The following PCNX4 variants were observed in gnomAD, a reference collection of about 807,000 sequenced individuals.
PCNX4 encodes the protein pecanex-like protein 4.
Under a neutral mutation model 107.2 loss-of-function variants are expected in PCNX4, and 103 were observed. That is an observed-to-expected ratio of 0.96 (90% CI 0.82 to 1.13). The LOEUF (loss-of-function observed/expected upper bound fraction) is 1.13. PCNX4 is among the 50% of genes most tolerant of loss of function. The pLI, the probability that PCNX4 is intolerant of heterozygous loss-of-function variation, is 0.00. For synonymous variants in PCNX4, 541 were observed against 481.7 expected, an observed-to-expected ratio of 1.12 and a Z score of -1.61; for missense variants, 1,528 against 1,379.4, an observed-to-expected ratio of 1.11 and a Z score of -1.71.
intron 1 of PCNX4, among the ~76,000 whole-genome samples, chr14:60,102,676 A>C (rs1239434903): frequency 6.6e-6 from 1 of 152,110 alleles, no homozygotes; most frequent in African/African-American, 2.4e-5. Context: ...TTCTCTTTTC[A>C]CAGTTTTGTT....
Position 60,114,817 on chromosome 14 carries a change from A to G in PCNX4, c.807A>G (p.Leu269=), listed in dbSNP as rs1895810285. 1 of 1,613,662 alleles carries G rather than the reference A, an allele frequency of 6.2e-7. No individual in the cohort carries two copies. The highest frequency in any genetic ancestry group is 1.3e-5 in the African/African-American group (1 of 74,858). The change falls in exon 3 of 11, where the codon TTA becomes TTG. Residue 269 remains leucine (L), a synonymous_variant. Coordinates refer to ENST00000406854, the MANE Select transcript of PCNX4 (RefSeq NM_001330177.2). ...GTLPPPDALL[L]WAMEQVLEFG... is the part of the protein sequence containing the mutation. ...TGCCCCCACCCGATGCACTTCTCTT[A>G]TGGGCAATGGAGCAGGTTTTAGAGT...
chr14:60,132,222 G>A (rs144952655), intron 10 of PCNX4, among the ~76,000 whole-genome samples: 2 of 152,152 alleles, frequency 1.3e-5, no homozygotes, highest in African/African-American at 4.8e-5. Flanking sequence ...CTCTGTCTCC[G>A]TATTTACATG....
intron 1 of PCNX4, among the ~76,000 whole-genome samples, chr14:60,102,666 T>C (rs1895555265): frequency 6.6e-6 from 1 of 152,210 alleles, no homozygotes; most frequent in Non-Finnish European, 1.5e-5. Context: ...ATCCCTTAAG[T>C]TCTCTTTTCA....
At chr14:60,108,723 T>C (rs1486315833) in intron 2 of PCNX4, 1 of 73,818 alleles carries the variant, frequency 1.4e-5, no homozygotes, top group African/African-American at 3.7e-5. Context: ...TTAAGACAAA[T>C]ACAAAATTTA....
rs764504055 is a variant in PCNX4 at position 60,134,053 on chromosome 14, G to T, written c.3351G>T (p.Gln1117His). 6.2e-7 allele frequency: 1 copy of T among 1,613,860 alleles called. No individual in the cohort carries two copies. Among genetic ancestry groups the T allele is most frequent in the Non-Finnish European group, 8.5e-7 (1 of 1,179,798 alleles). The change falls in exon 11 of 11, where the codon CAG becomes CAT. Residue 1117 changes from glutamine to histidine, a missense_variant. Physicochemically the swap from Gln to His is conservative, Grantham distance 24. Transcript: ENST00000406854. ...GKLNPEAVRG[Q>H]WANLSWELLY... ...TAAATCCTGAAGCTGTTAGAGGTCA[G>T]TGGGCCAATCTTTCATGGGAATTAC... is the stretch of plus-strand genomic sequence containing the variant.
intron 7 of PCNX4, among the ~76,000 whole-genome samples, chr14:60,119,949 G>A (rs1031302375): frequency 1.3e-5 from 2 of 152,184 alleles, no homozygotes; most frequent in East Asian, 3.8e-4. Context: ...TTAAATGGTA[G>A]TCTGTAATAA....
At chr14:60,108,358 CTTTGTT>C (rs1424799367) in intron 2 of PCNX4, 31 bp downstream of exon 2, 21 of 1,508,820 alleles carry the variant, frequency 1.4e-5, no homozygotes, top group East Asian at 6.8e-5. Context: ...TTGTAACTAA[CTTTGTT>C]TTTAAGTATA....
chr14:60,125,559 T>C (rs771846097), intron 9 of PCNX4, 78 bp from the exon 10 acceptor site: 2 of 1,061,854 alleles, frequency 1.9e-6, no homozygotes, highest in Non-Finnish European at 2.5e-6. Flanking sequence ...TCTTAAAATA[T>C]TGGTTTAACA....
rs758724885 is a variant in PCNX4 at position 60,133,954 on chromosome 14, C to G, written c.3268-16C>G. ...TCTTTTCTTTTTCTCCTCCTCCTAC[C>G]CTTTTTACTTTAAAGGGAATTTACA... On this transcript the variant is annotated splice_polypyrimidine_tract_variant and intron_variant, in intron 10 of 10. Transcript: ENST00000406854. 1 of 1,603,866 alleles carries G rather than the reference C, an allele frequency of 6.2e-7. No individual in the cohort carries two copies. Among genetic ancestry groups the G allele is most frequent in the Non-Finnish European group, 8.5e-7 (1 of 1,173,726 alleles).
At position 60,124,597 on chromosome 14, in the gene PCNX4, A is replaced by G. The variant is rs990376741; in HGVS notation, c.2426A>G (p.Asp809Gly). 1.2e-6 allele frequency: 2 copies of G among 1,613,720 alleles called. No individual in the cohort carries two copies. Among genetic ancestry groups the G allele is most frequent in the African/African-American group, 1.3e-5 (1 of 74,902 alleles). ...TTGCCACCTCCCAAATCCCCAGAAGACATAGACAGTTTAAATTCAGAAACT... is the reference window on the plus strand; with the variant it reads ...TTGCCACCTCCCAAATCCCCAGAAGGCATAGACAGTTTAAATTCAGAAACT... ...NTLPPPKSPEDIDSLNSETFN... is the reference protein window; with the variant it reads ...NTLPPPKSPEGIDSLNSETFN... The change falls in exon 9 of 11, where the codon GAC becomes GGC. Residue 809 changes from aspartate (D) to glycine (G), a missense_variant. By Grantham distance (94) the Asp-to-Gly change is moderately conservative (BLOSUM62 -1). Coordinates refer to ENST00000406854, the MANE Select transcript of PCNX4 (RefSeq NM_001330177.2).
At position 60,134,674 on chromosome 14, in the gene PCNX4, A is replaced by G. The variant is rs1389150980; in HGVS notation, c.*453A>G. 6.6e-6 allele frequency: 1 copy of G among 152,602 alleles called. No homozygotes were observed. The highest frequency in any genetic ancestry group is 2.4e-5 in the African/African-American group (1 of 41,464). The allele number at this position is 152,602 out of a possible 1,614,324, so 9.5% of individuals were successfully genotyped here. ...TGTGTATATATTTGTTTGAAATATA[A>G]TTTATAGTATTTTCAAATGTGCTGA... is the stretch of plus-strand genomic sequence containing the variant. On this transcript the variant is annotated 3_prime_UTR_variant, in exon 11 of 11. Transcript: ENST00000406854.
intron 10 of PCNX4, among the ~76,000 whole-genome samples, chr14:60,128,087 T>C (rs542678912): frequency 6.6e-6 from 1 of 152,050 alleles, no homozygotes; most frequent in South Asian, 2.1e-4. Context: ...GGAAGAGAGC[T>C]TCAGAGAAAC....
intron 10 of PCNX4, among the ~76,000 whole-genome samples, chr14:60,131,259 A>G (rs962235765): frequency 6.6e-6 from 1 of 152,220 alleles, no homozygotes; most frequent in Admixed American, 6.5e-5. Flanking sequence ...AGGCATTCAG[A>G]TTAGGAAGAA....
chr14:60,124,621 CTT>C lies in PCNX4; in HGVS notation c.2453_2454del (p.Phe818Ter). 6.2e-7 allele frequency: 1 copy of C among 1,613,746 alleles called. No homozygotes were observed. The highest frequency in any genetic ancestry group is 8.5e-7 in the Non-Finnish European group (1 of 1,179,744). On this transcript the variant is annotated frameshift_variant, in exon 9 of 11. Transcript: ENST00000406854. LOFTEE classifies it high-confidence loss of function. ...GACATAGACAGTTTAAATTCAGAAACTTTTAATGACTGGTCTGATGATAATAT... is the reference window on the plus strand; with the variant it reads ...GACATAGACAGTTTAAATTCAGAAACTTAATGACTGGTCTGATGATAATAT...
intron 10 of PCNX4, among the ~76,000 whole-genome samples, chr14:60,126,837 G>A (rs1896064539): frequency 2.0e-5 from 3 of 152,306 alleles, no homozygotes; most frequent in South Asian, 4.1e-4. Context: ...CTGGGGCCTT[G>A]ATCACTCTTG....
At chr14:60,108,497 A>C in intron 2 of PCNX4, 170 bp downstream of exon 2, 1 of 503,730 alleles carries the variant, frequency 2.0e-6, no homozygotes, top group Non-Finnish European at 3.4e-6. Context: ...TCTGTAAAAC[A>C]TACTAAAGCA....
chr14:60,099,344 A>G (rs1423903011), intron 1 of PCNX4, among the ~76,000 whole-genome samples: 3 of 152,202 alleles, frequency 2.0e-5, no homozygotes, highest in Non-Finnish European at 4.4e-5. Context: ...ACTTTTTAGG[A>G]ATATGGATGA....
intron 1 of PCNX4, among the ~76,000 whole-genome samples, chr14:60,098,430 A>G (rs1895468123): frequency 6.6e-6 from 1 of 152,172 alleles, no homozygotes; most frequent in Admixed American, 6.5e-5. Flanking sequence ...TTTAACTTAC[A>G]CTGTGACCTT....
Position 60,107,985 on chromosome 14 carries a change from A to T in PCNX4, c.347A>T (p.His116Leu). ...GATATCTTAGCAGAGGAGGATGAGCATGAATTTACCAGTTGTACTGGTGCT... is the reference window on the plus strand; with the variant it reads ...GATATCTTAGCAGAGGAGGATGAGCTTGAATTTACCAGTTGTACTGGTGCT... The part of the protein sequence containing the change: ...TTDILAEEDE[H>L]EFTSCTGAET... The change falls in exon 2 of 11, where the codon CAT becomes CTT. Residue 116 changes from histidine (H) to leucine (L), a missense_variant. Transcript: ENST00000406854. 1 of 1,612,870 alleles carries T rather than the reference A, an allele frequency of 6.2e-7. No individual in the cohort carries two copies. The highest frequency in any genetic ancestry group is 1.1e-5 in the South Asian group (1 of 91,080).
Sources: gnomAD v4.1 joint callset for allele counts (sites outside exome capture counted in the v4.1 genomes callset) on GRCh38, gnomAD v4.1.1 for gene constraint, MANE v1.5 for transcripts, NCBI Gene and HGNC (gene_info 2026-07-23, HGNC 2026-07-21) for gene names.